Variants in VPS13B observed in about 807,000 individuals in gnomAD.
VPS13B encodes the protein intermembrane lipid transfer protein VPS13B.
VPS13B carries 285 observed loss-of-function variants against 426.4 expected under a neutral mutation model. The ratio of observed to expected loss-of-function variants is 0.67; its 90% confidence interval spans 0.61 to 0.74. The LOEUF (loss-of-function observed/expected upper bound fraction) is 0.74. Ranked by LOEUF, VPS13B falls within the 30% of genes least tolerant of loss-of-function variation. The pLI is 0.00. For missense variants in VPS13B, 4,537 were observed against 4,782.6 expected, an observed-to-expected ratio of 0.95 and a Z score of 1.51; for synonymous variants, 1,676 against 1,676.4, an observed-to-expected ratio of 1.00 and a Z score of 0.01.
At chr8:99,168,586 G>C (rs1812149871) in intron 15 of VPS13B, among the ~76,000 whole-genome samples, 1 of 152,010 alleles carries the variant, frequency 6.6e-6, no homozygotes, top group Non-Finnish European at 1.5e-5. Flanking sequence ...TGGCCTTTAT[G>C]AGGAAATAAG....
At chr8:99,843,822 TC>T (rs1405337194) in intron 54 of VPS13B, among the ~76,000 whole-genome samples, 2 of 152,174 alleles carry the variant, frequency 1.3e-5, no homozygotes, top group Non-Finnish European at 2.9e-5. Flanking sequence ...ATAATCACAG[TC>T]TCTTTTACTC....
chr8:99,846,221 A>T (rs980252079), intron 54 of VPS13B, among the ~76,000 whole-genome samples: 69 of 152,344 alleles, frequency 4.5e-4, no homozygotes, highest in Non-Finnish European at 2.9e-4. Flanking sequence ...ACTTACACAG[A>T]GTCCATGATG....
intron 19 of VPS13B, among the ~76,000 whole-genome samples, chr8:99,356,311 C>G (rs148788930): frequency 6.6e-6 from 1 of 151,970 alleles, no homozygotes; most frequent in Non-Finnish European, 1.5e-5. Flanking sequence ...AATTATTTTA[C>G]ATTCTCTCCT....
At chr8:99,562,201 T>G (rs747241780) in intron 31 of VPS13B, among the ~76,000 whole-genome samples, 20 of 152,186 alleles carry the variant, frequency 1.3e-4, no homozygotes, top group Non-Finnish European at 2.8e-4. Flanking sequence ...TTAATGAACT[T>G]GAGCAGCTTT....
chr8:99,461,922 GA>G (rs1192476066), intron 23 of VPS13B, among the ~76,000 whole-genome samples: 1 of 152,108 alleles, frequency 6.6e-6, no homozygotes, highest in African/African-American at 2.4e-5. Context: ...TGAAAACAAT[GA>G]GTACGTATTG....
chr8:99,027,714 G>A (rs1182564281), intron 2 of VPS13B, among the ~76,000 whole-genome samples: 2 of 151,794 alleles, frequency 1.3e-5, no homozygotes, highest in Non-Finnish European at 2.9e-5. Flanking sequence ...GAAATCTGCT[G>A]TTAGTTTTTT....
At chr8:99,870,395 C>G (rs1441065523) in intron 59 of VPS13B, among the ~76,000 whole-genome samples, 1 of 152,100 alleles carries the variant, frequency 6.6e-6, no homozygotes, top group African/African-American at 2.4e-5. Flanking sequence ...TCAAGCAATC[C>G]TCCCACCTTG....
chr8:99,627,473 T>C lies in VPS13B; in HGVS notation c.5221-14338T>C, dbSNP rs1232742058. ...CTCTGTCTCCCAGGCTAGAGGGCAG[T>C]GGTGCAATCTCAGCTCACTGCAACC... On this transcript the variant is annotated intron_variant, in intron 33 of 61. Transcript: ENST00000357162. 2.0e-5 allele frequency among the ~76,000 whole-genome samples: 3 copies of C among 152,156 alleles called. No individual in the cohort carries two copies. The East Asian group carries it at 5.8e-4, about 29-fold the overall frequency.
intron 17 of VPS13B, among the ~76,000 whole-genome samples, chr8:99,230,645 G>A (rs1028042886): frequency 6.6e-6 from 1 of 152,138 alleles, no homozygotes; most frequent in African/African-American, 2.4e-5. Flanking sequence ...TTAACAATCA[G>A]TTTCCTCCTC....
At chr8:99,150,498 GTAGT>G (rs1213683576) in intron 14 of VPS13B, among the ~76,000 whole-genome samples, 2 of 152,160 alleles carry the variant, frequency 1.3e-5, no homozygotes, top group Non-Finnish European at 2.9e-5. Flanking sequence ...ATCACATAGA[GTAGT>G]TTCAATTCCC....
intron 21 of VPS13B, among the ~76,000 whole-genome samples, chr8:99,423,825 T>C (rs1286749573): frequency 6.6e-6 from 1 of 152,182 alleles, no homozygotes; most frequent in African/African-American, 2.4e-5. Flanking sequence ...GTGCTTTACT[T>C]CCAACTATGT....
chr8:99,486,035 A>G (rs1246167272), intron 25 of VPS13B, among the ~76,000 whole-genome samples: 2 of 151,818 alleles, frequency 1.3e-5, no homozygotes, highest in Non-Finnish European at 2.9e-5. Context: ...CAACAGTTTA[A>G]TTTTTCTGTG....
At chr8:99,784,244 T>C in intron 42 of VPS13B, 71 bp from the exon 43 acceptor site, 1 of 1,602,906 alleles carries the variant, frequency 6.2e-7, no homozygotes, top group African/African-American at 1.3e-5. Context: ...CAATCGCCAC[T>C]GGGCAGACAG....
intron 34 of VPS13B, among the ~76,000 whole-genome samples, chr8:99,657,697 GT>G (rs1830073776): frequency 6.6e-6 from 1 of 152,036 alleles, no homozygotes; most frequent in African/African-American, 2.4e-5. Context: ...TAGATATTTA[GT>G]TTAAATTTTC....
chr8:99,607,338 G>C (rs1357762015), intron 33 of VPS13B, among the ~76,000 whole-genome samples: 1 of 152,134 alleles, frequency 6.6e-6, no homozygotes, highest in African/African-American at 2.4e-5. Context: ...ATGACCAATG[G>C]TAGTTTATCT....
intron 35 of VPS13B, chr8:99,695,979 A>G (rs1303479014): frequency 6.6e-6 from 1 of 152,412 alleles, no homozygotes; most frequent in Non-Finnish European, 1.5e-5. Context: ...ACCTGTGCCA[A>G]CATCCTGGGG....
rs72674690 is a variant in VPS13B at position 99,622,655 on chromosome 8, T to C, written c.5221-19156T>C. Among the ~76,000 whole-genome samples, 1,223 of 152,352 alleles carry C rather than the reference T, an allele frequency of 8.0e-3. 11 individuals carry two copies. The highest frequency in any genetic ancestry group is 0.039 in the South Asian group (190 of 4,826). On this transcript the variant is annotated intron_variant, in intron 33 of 61. Transcript: ENST00000357162. ...TTGCAAAGATTATGGCAGTTCACTG[T>C]ATGCAGTTAGCATGTTCAGAATGGA...
intron 16 of VPS13B, among the ~76,000 whole-genome samples, chr8:99,189,574 T>C (rs1813435992): frequency 6.6e-6 from 1 of 152,140 alleles, no homozygotes; most frequent in East Asian, 1.9e-4. Context: ...CTATTTCTTT[T>C]CTATTTGTTT....
At chr8:99,117,939 T>A (rs544571314) in intron 7 of VPS13B, among the ~76,000 whole-genome samples, 1 of 152,272 alleles carries the variant, frequency 6.6e-6, no homozygotes, top group East Asian at 1.9e-4. Flanking sequence ...TATTTAAACT[T>A]TATCTCATTA....
Sources: allele counts gnomAD v4.1 joint callset (sites outside exome capture counted in the v4.1 genomes callset), GRCh38; gene constraint gnomAD v4.1.1; transcripts MANE v1.5; gene names NCBI Gene and HGNC (gene_info 2026-07-23, HGNC 2026-07-21).